The following TTLL6 variants were observed in gnomAD, a reference collection of about 807,000 sequenced individuals.
TTLL6 encodes the protein tubulin tyrosine ligase like 6.
A neutral mutation model predicts 96.4 loss-of-function variants in TTLL6; 75 were observed. The observed-to-expected ratio is 0.78, with a 90% CI of 0.65 to 0.94. TTLL6 has a LOEUF of 0.94. TTLL6 is among the 40% of genes least tolerant of loss of function. The pLI, the probability that TTLL6 is intolerant of heterozygous loss-of-function variation, is 0.00. For missense variants in TTLL6, 1,030 were observed against 1,093.0 expected (o/e 0.94, Z 0.81); for synonymous variants, 411 against 419.4 (o/e 0.98, Z 0.24).
chr17:48,791,690 C>A (rs753509143), intron 8 of TTLL6, 87 bp from the exon 9 acceptor site: 2 of 1,166,134 alleles, frequency 1.7e-6, no homozygotes, highest in East Asian at 2.4e-5. Context: ...AAACTCCTGG[C>A]GGAGACAAGG....
intron 8 of TTLL6, among the ~76,000 whole-genome samples, chr17:48,792,216 A>G (rs952324277): frequency 1.3e-5 from 2 of 152,326 alleles, no homozygotes; most frequent in African/African-American, 4.8e-5. Flanking sequence ...GGGCAAACGG[A>G]GACAGCTGGT....
chr17:48,810,940 G>T (rs188618848), intron 1 of TTLL6, among the ~76,000 whole-genome samples: 1 of 148,040 alleles, frequency 6.8e-6, no homozygotes, highest in African/African-American at 2.5e-5. Context: ...ATTCCTTCAT[G>T]CCAGCAATCA....
chr17:48,765,908 A>G (rs941030743), intron 15 of TTLL6: 4 of 152,196 alleles, frequency 2.6e-5, no homozygotes, highest in African/African-American at 9.7e-5. Flanking sequence ...GGCAGAAAAG[A>G]TCTAAGATGC....
intron 13 of TTLL6, among the ~76,000 whole-genome samples, chr17:48,774,258 G>A (rs1286744881): frequency 4.4e-5 from 4 of 91,590 alleles, no homozygotes; most frequent in Admixed American, 1.5e-4. Context: ...TTTTTGAGAC[G>A]GAGTCTCGCT....
At chr17:48,804,085 T>C in intron 2 of TTLL6, 157 bp from the exon 3 acceptor site, 1 of 725,232 alleles carries the variant, frequency 1.4e-6, no homozygotes, top group East Asian at 2.7e-5. Context: ...AGGACACGAG[T>C]CCAAGGGGGT....
chr17:48,817,047 G>T lies in TTLL6; in HGVS notation c.26C>A (p.Ser9Ter), dbSNP rs879137413. 3.2e-6 allele frequency: 5 copies of T among 1,544,410 alleles called. No homozygotes were observed. Among genetic ancestry groups the T allele is most frequent in the Non-Finnish European group, 4.4e-6 (5 of 1,145,802 alleles). Residue 9 changes from serine (S) to a stop codon, truncating the protein, a stop_gained, in exon 1 of 16, where the codon TCG becomes TAG. Coordinates refer to ENST00000393382, the MANE Select transcript of TTLL6 (RefSeq NM_001130918.3). LOFTEE classifies it high-confidence loss of function. MGALLLHP[S>*]RRGPAGVVAS... ...AACCACACCTGCCGGCCCCCTCCTC[G>T]AAGGATGAAGGAGTAACGCTCCCAT...
chr17:48,815,911 A>G (rs1189664623), intron 1 of TTLL6: 2 of 152,200 alleles, frequency 1.3e-5, no homozygotes, highest in East Asian at 3.8e-4. Flanking sequence ...TTTCTCCACA[A>G]TATTCAGGGC....
rs1433225458 is a variant in TTLL6 at position 48,817,035 on chromosome 17, G to A, written c.38C>T (p.Pro13Leu). The A allele has an allele frequency of 6.5e-7, 1 of 1,544,376 alleles. No homozygotes were observed. Among genetic ancestry groups the A allele is most frequent in the East Asian group, 2.5e-5 (1 of 40,340 alleles). ...ALLLHPSRRG[P>L]AGVVASWTSS... ...AGTCCAGCTTGCAACCACACCTGCC[G>A]GCCCCCTCCTCGAAGGATGAAGGAG... The change falls in exon 1 of 16, where the codon CCG (proline) becomes CTG (leucine). Residue 13 changes from proline (P) to leucine (L), a missense_variant. By Grantham distance (98) the Pro-to-Leu change is moderately conservative. Transcript: ENST00000393382.
At chr17:48,785,679 C>T (rs893125900) in intron 12 of TTLL6, among the ~76,000 whole-genome samples, 4 of 152,136 alleles carry the variant, frequency 2.6e-5, no homozygotes, top group African/African-American at 9.7e-5. Context: ...GACTGGTCCA[C>T]GCTTTGCATA....
Position 48,816,962 on chromosome 17 carries a change from G to A in TTLL6, c.103+8C>T, listed in dbSNP as rs1226438601. On this transcript the variant is annotated splice_region_variant and intron_variant, in intron 1 of 15. Coordinates refer to ENST00000393382, the MANE Select transcript of TTLL6 (RefSeq NM_001130918.3). ...TGGAGCCAGCACCGGGCTTTGGGGC[G>A]CTCTTACCCGCAATTCCTACTCCCC... The A allele has an allele frequency of 2.6e-6, 4 of 1,525,886 alleles. No homozygotes were observed. The East Asian group carries it at 7.7e-5, about 29-fold the overall frequency. 94.5% of individuals were successfully genotyped at this position (1,525,886 alleles called of 1,614,324 possible). A position where few individuals can be genotyped will look rare whatever the true frequency, so the allele number is the denominator to read the frequency against.
chr17:48,801,300 G>C lies in TTLL6; in HGVS notation c.566C>G (p.Pro189Arg), dbSNP rs1384783300. The C allele has an allele frequency of 3.9e-6, 6 of 1,551,664 alleles. No individual in the cohort carries two copies. The highest frequency in any genetic ancestry group is 8.7e-7 in the Non-Finnish European group (1 of 1,146,980). ...RNMSRMLKMF[P>R]KDFRFFPRTW... ...CCTAGGGAAAAAGCGGAAATCTTTA[G>C]GGAACATCTTTAACATGCGGCTCAT... The change falls in exon 5 of 16, where the codon CCT becomes CGT. Residue 189 changes from proline (P) to arginine (R), a missense_variant. By Grantham distance (103) the Pro-to-Arg change is moderately radical. Coordinates refer to ENST00000393382, the MANE Select transcript of TTLL6 (RefSeq NM_001130918.3).
At chr17:48,809,546 G>T (rs2039550428) in intron 1 of TTLL6, among the ~76,000 whole-genome samples, 1 of 152,164 alleles carries the variant, frequency 6.6e-6, no homozygotes, top group Admixed American at 6.5e-5. Context: ...AACAAGTCAT[G>T]GCTCCTTCTA....
At chr17:48,789,243 C>A (rs2039169472) in intron 10 of TTLL6, among the ~76,000 whole-genome samples, 1 of 151,972 alleles carries the variant, frequency 6.6e-6, no homozygotes, top group African/African-American at 2.4e-5. Context: ...TTTCTAGGAA[C>A]AAAGGAATAT....
chr17:48,767,405 A>G (rs2038637643), intron 15 of TTLL6, among the ~76,000 whole-genome samples: 1 of 152,142 alleles, frequency 6.6e-6, no homozygotes, highest in African/African-American at 2.4e-5. Flanking sequence ...TATCAGAATC[A>G]ACTAGAGGAG....
At position 48,817,208 on chromosome 17, in the gene TTLL6, T is replaced by C. The variant is rs1241313619; in HGVS notation, c.-136A>G. ...GCTGCCATGCCCCCTCCCTCCCGAA[T>C]CCAATTAACCGCCCAGGCGCTAGGG... On this transcript the variant is annotated 5_prime_UTR_variant, in exon 1 of 16. Coordinates refer to ENST00000393382, the MANE Select transcript of TTLL6 (RefSeq NM_001130918.3). 15 of 560,322 alleles carry C rather than the reference T, an allele frequency of 2.7e-5. No individual in the cohort carries two copies. Among genetic ancestry groups the C allele is most frequent in the Middle Eastern group, 6.2e-4 (2 of 3,216 alleles). 34.7% of individuals were successfully genotyped at this position (560,322 alleles called of 1,614,324 possible).
At chr17:48,768,878 A>T in intron 15 of TTLL6, 111 bp downstream of exon 15, 1 of 1,149,806 alleles carries the variant, frequency 8.7e-7, no homozygotes. Context: ...TTGTCTACTT[A>T]CCTGTATGTC....
chr17:48,817,019 T>G lies in TTLL6; in HGVS notation c.54A>C (p.Ala18=). ...PSRRGPAGVV[A]SWTSSPAGRD... The stretch of plus-strand genomic sequence containing the variant: ...GCCCCGCTGGGCTGCTAGTCCAGCT[T>G]GCAACCACACCTGCCGGCCCCCTCC... The change falls in exon 1 of 16, where the codon GCA becomes GCC. Residue 18 remains alanine (A), a synonymous_variant. Transcript: ENST00000393382. The G allele has an allele frequency of 6.5e-7, 1 of 1,544,572 alleles. No homozygotes were observed. The highest frequency in any genetic ancestry group is 8.7e-7 in the Non-Finnish European group (1 of 1,145,920).
At chr17:48,796,279 G>A (rs2039315627) in intron 7 of TTLL6, 133 bp from the exon 8 acceptor site, 1 of 628,200 alleles carries the variant, frequency 1.6e-6, no homozygotes, top group Non-Finnish European at 2.7e-6. Context: ...TATTTAGTGT[G>A]GCAAAATACA....
intron 13 of TTLL6, among the ~76,000 whole-genome samples, chr17:48,774,473 G>T (rs1230058097): frequency 6.6e-6 from 1 of 150,460 alleles, no homozygotes; most frequent in Non-Finnish European, 1.5e-5. Context: ...CCAAAATCTA[G>T]TTTTTTTTTA....
Sources: gnomAD v4.1 joint callset for allele counts (sites outside exome capture counted in the v4.1 genomes callset) on GRCh38, gnomAD v4.1.1 for gene constraint, MANE v1.5 for transcripts, NCBI Gene and HGNC (gene_info 2026-07-23, HGNC 2026-07-21) for gene names.